The following UBE3D variants were observed in gnomAD, a reference collection of about 807,000 sequenced individuals.
UBE3D encodes the protein E3 ubiquitin-protein ligase E3D.
UBE3D carries 48 observed loss-of-function variants against 49.6 expected under a neutral mutation model. That is an observed-to-expected ratio of 0.97 (90% CI 0.77 to 1.23). The LOEUF (loss-of-function observed/expected upper bound fraction) is 1.23, where lower values mean the gene tolerates loss of function less well. Ranked by LOEUF, UBE3D falls within the 50% of genes most tolerant of loss-of-function variation. The pLI is 0.00. For missense variants in UBE3D, 452 were observed against 468.4 expected (o/e 0.96, Z 0.32); for synonymous variants, 189 against 174.2 (o/e 1.08, Z -0.67).
At chr6:82,922,997 A>G (rs1444203324) in intron 9 of UBE3D, among the ~76,000 whole-genome samples, 1 of 152,238 alleles carries the variant, frequency 6.6e-6, no homozygotes, top group Non-Finnish European at 1.5e-5. Flanking sequence ...TGCAAATCAA[A>G]ACCACAATGA....
At chr6:83,023,670 G>A (rs1176243594) in intron 6 of UBE3D, among the ~76,000 whole-genome samples, 2 of 152,170 alleles carry the variant, frequency 1.3e-5, no homozygotes, top group African/African-American at 2.4e-5. Flanking sequence ...CTTCATAAGT[G>A]GGAACGAAGC....
chr6:83,006,495 T>A (rs1320666869), intron 8 of UBE3D, among the ~76,000 whole-genome samples: 1 of 152,152 alleles, frequency 6.6e-6, no homozygotes, highest in Non-Finnish European at 1.5e-5. Context: ...CTCTCTCTCC[T>A]TTGACATGTG....
At chr6:83,020,448 A>C (rs1781015339) in intron 7 of UBE3D, among the ~76,000 whole-genome samples, 1 of 151,980 alleles carries the variant, frequency 6.6e-6, no homozygotes, top group Non-Finnish European at 1.5e-5. Context: ...GACTGTTAAT[A>C]CTGATTGCTC....
downstream of UBE3D, among the ~76,000 whole-genome samples, chr6:82,890,682 G>T (rs1247747042): frequency 6.6e-6 from 1 of 152,136 alleles, no homozygotes; most frequent in Non-Finnish European, 1.5e-5. Flanking sequence ...AGGCTGGCTT[G>T]GTTCCTCCTA....
At chr6:82,973,982 G>T (rs1167610149) in intron 8 of UBE3D, among the ~76,000 whole-genome samples, 1 of 152,150 alleles carries the variant, frequency 6.6e-6, no homozygotes, top group Non-Finnish European at 1.5e-5. Context: ...ATCACCCCCA[G>T]ATGGGACTGT....
intron 8 of UBE3D, among the ~76,000 whole-genome samples, chr6:82,973,129 C>G (rs1777469818): frequency 6.6e-6 from 1 of 152,106 alleles, no homozygotes; most frequent in East Asian, 1.9e-4. Flanking sequence ...ACAAAACTGG[C>G]CACACCCATT....
chr6:83,031,867 G>A (rs1190472002), intron 5 of UBE3D, among the ~76,000 whole-genome samples: 25 of 152,252 alleles, frequency 1.6e-4, no homozygotes, highest in Admixed American at 1.6e-3. Context: ...CGGCTTCAGA[G>A]GGTACAAGCC....
chr6:83,026,460 G>A lies in UBE3D; in HGVS notation c.668-2422C>T, dbSNP rs554991476. On this transcript the variant is annotated intron_variant, in intron 5 of 9. Coordinates refer to ENST00000369747, the MANE Select transcript of UBE3D (RefSeq NM_198920.3). ...ATCTCTTAAAAAATAAAATAAAATA[G>A]TGTTGTCAAACAACTTTTAATAAGA... 2.1e-4 allele frequency among the ~76,000 whole-genome samples: 32 copies of A among 151,960 alleles called. 1 individual carries two copies. Among genetic ancestry groups the A allele is most frequent in the African/African-American group, 7.0e-4 (29 of 41,400 alleles).
intron 2 of UBE3D, among the ~76,000 whole-genome samples, chr6:83,055,420 G>A (rs1783754044): frequency 1.3e-5 from 2 of 152,142 alleles, no homozygotes; most frequent in South Asian, 2.1e-4. Context: ...TTTTTAAGGG[G>A]TGGCCAGAAA....
At chr6:82,975,716 T>G (rs1777667919) in intron 8 of UBE3D, among the ~76,000 whole-genome samples, 1 of 152,182 alleles carries the variant, frequency 6.6e-6, no homozygotes, top group South Asian at 2.1e-4. Context: ...AAGATAATTT[T>G]TAAAAAACTA....
intron 4 of UBE3D, among the ~76,000 whole-genome samples, chr6:83,043,956 C>G (rs537155796): frequency 6.1e-4 from 93 of 152,300 alleles, no homozygotes; most frequent in African/African-American, 2.2e-3. Flanking sequence ...CATTCCTGGG[C>G]TCCTCCATTC....
chr6:82,960,247 T>C (rs1776454449), intron 8 of UBE3D, among the ~76,000 whole-genome samples: 1 of 152,220 alleles, frequency 6.6e-6, no homozygotes, highest in Non-Finnish European at 1.5e-5. Context: ...ATTGATTGAC[T>C]GGTTCTGCTA....
chr6:82,921,219 G>A (rs757812452), intron 9 of UBE3D, among the ~76,000 whole-genome samples: 11 of 152,122 alleles, frequency 7.2e-5, no homozygotes, highest in Admixed American at 1.3e-4. Flanking sequence ...CTCCCAAAGC[G>A]CTGGGATTAC....
chr6:82,982,187 C>A (rs1280692312), intron 8 of UBE3D, among the ~76,000 whole-genome samples: 1 of 152,146 alleles, frequency 6.6e-6, no homozygotes, highest in African/African-American at 2.4e-5. Flanking sequence ...ATATTCCCAC[C>A]CAATACTCTC....
At chr6:83,059,861 C>G (rs974858031) in intron 1 of UBE3D, among the ~76,000 whole-genome samples, 15 of 152,196 alleles carry the variant, frequency 9.9e-5, no homozygotes, top group African/African-American at 3.6e-4. Flanking sequence ...GAGGACCACT[C>G]AGCAGGGGTG....
intron 3 of UBE3D, among the ~76,000 whole-genome samples, chr6:83,050,985 T>C (rs1043963210): frequency 6.6e-6 from 1 of 152,188 alleles, no homozygotes; most frequent in Non-Finnish European, 1.5e-5. Flanking sequence ...CCTCGGCACC[T>C]GCAGAGTATG....
chr6:82,990,688 C>T (rs976684788), intron 8 of UBE3D, among the ~76,000 whole-genome samples: 29 of 152,162 alleles, frequency 1.9e-4, no homozygotes, highest in African/African-American at 7.0e-4. Flanking sequence ...GGTTACTGAG[C>T]GCTAGATGAA....
chr6:82,942,356 T>A (rs1775076198), intron 9 of UBE3D, among the ~76,000 whole-genome samples: 1 of 152,094 alleles, frequency 6.6e-6, no homozygotes, highest in Non-Finnish European at 1.5e-5. Context: ...AGCCTGACAA[T>A]GTGATGGAAA....
At chr6:83,013,981 C>T (rs1247978494) in intron 8 of UBE3D, among the ~76,000 whole-genome samples, 1 of 152,236 alleles carries the variant, frequency 6.6e-6, no homozygotes, top group Non-Finnish European at 1.5e-5. Context: ...AGGTATATTG[C>T]TGGCCTTGCC....
Sources: allele counts gnomAD v4.1 joint callset (sites outside exome capture counted in the v4.1 genomes callset), GRCh38; gene constraint gnomAD v4.1.1; transcripts MANE v1.5; gene names NCBI Gene and HGNC (gene_info 2026-07-23, HGNC 2026-07-21).